The following ANAPC10 variants were observed in gnomAD, a reference collection of about 807,000 sequenced individuals.
The protein encoded by ANAPC10 is anaphase promoting complex subunit 10, also known as anaphase-promoting complex subunit 10.
In ANAPC10, 12 loss-of-function variants were observed where a neutral mutation model predicts 22.0. The observed-to-expected ratio is 0.55, with a 90% CI of 0.35 to 0.88. The LOEUF (loss-of-function observed/expected upper bound fraction) is 0.88. Among genes scored for constraint, ANAPC10 ranks in the 40% least tolerant of loss-of-function variants. The probability of loss-of-function intolerance (pLI) is 0.01; values close to 1 mark genes in which losing one functional copy is unlikely to be tolerated. For missense variants in ANAPC10, 188 were observed against 220.9 expected, an observed-to-expected ratio of 0.85 and a Z score of 0.94; for synonymous variants, 65 against 69.5, an observed-to-expected ratio of 0.94 and a Z score of 0.32.
intron 4 of ANAPC10, among the ~76,000 whole-genome samples, chr4:145,048,557 G>A (rs911672041): frequency 6.6e-6 from 1 of 152,002 alleles, no homozygotes; most frequent in Non-Finnish European, 1.5e-5. Flanking sequence ...TTTAACTATA[G>A]AAGCAACTAC....
intron 4 of ANAPC10, among the ~76,000 whole-genome samples, chr4:145,060,801 A>C (rs1042321631): frequency 2.0e-5 from 3 of 152,032 alleles, no homozygotes; most frequent in Admixed American, 1.3e-4. Context: ...TTTTTTTTAT[A>C]TATTTAGATA....
chr4:145,056,534 A>G (rs1224826514), intron 4 of ANAPC10, among the ~76,000 whole-genome samples: 1 of 152,114 alleles, frequency 6.6e-6, no homozygotes, highest in Non-Finnish European at 1.5e-5. Flanking sequence ...CTCTTGCGCA[A>G]GATATAAGAA....
intron 3 of ANAPC10, among the ~76,000 whole-genome samples, chr4:145,079,446 C>T (rs937213781): frequency 6.6e-6 from 1 of 152,190 alleles, no homozygotes; most frequent in Non-Finnish European, 1.5e-5. Context: ...TAAATTAGTT[C>T]AGCCACTGTG....
Position 145,049,571 on chromosome 4 carries a change from T to G in ANAPC10, c.327+15001A>C, listed in dbSNP as rs181511871. Among the ~76,000 whole-genome samples the G allele has an allele frequency of 2.6e-5, 4 of 152,298 alleles. No individual in the cohort carries two copies. The East Asian group carries it at 7.7e-4, about 29-fold the overall frequency. On this transcript the variant is annotated intron_variant, in intron 4 of 4. Transcript: ENST00000507656. ...AGATTGCTGCAATTTGGTCGCATCT[T>G]CAGGCTCCATTTCTTTTTGTTTTTT... is the stretch of plus-strand genomic sequence containing the variant.
chr4:145,097,563 C>G, intron 1 of ANAPC10: 2 of 1,285,376 alleles, frequency 1.6e-6, no homozygotes, highest in Non-Finnish European at 2.0e-6. Context: ...TTGATACTTA[C>G]TAAATAACGG....
At chr4:145,049,955 T>A (rs139805325) in intron 4 of ANAPC10, among the ~76,000 whole-genome samples, 12 of 152,292 alleles carry the variant, frequency 7.9e-5, no homozygotes, top group African/African-American at 2.2e-4. Context: ...AAGTTATTCA[T>A]GAGGCTTGGA....
At chr4:145,054,419 A>G (rs554426249) in intron 4 of ANAPC10, among the ~76,000 whole-genome samples, 2 of 150,906 alleles carry the variant, frequency 1.3e-5, no homozygotes, top group South Asian at 2.1e-4. Flanking sequence ...TTAGCCGGGC[A>G]TGGTGGCAGG....
At chr4:145,091,072 A>G (rs1032175208) in intron 2 of ANAPC10, among the ~76,000 whole-genome samples, 1 of 152,240 alleles carries the variant, frequency 6.6e-6, no homozygotes, top group African/African-American at 2.4e-5. Context: ...ATAGACTCAA[A>G]GCTCAAAATC....
chr4:145,018,196 G>T (rs990562511), intron 4 of ANAPC10, among the ~76,000 whole-genome samples: 30 of 150,692 alleles, frequency 2.0e-4, no homozygotes, highest in African/African-American at 7.0e-4. Context: ...AATTTAAAAA[G>T]CAAAAACAAA....
chr4:145,017,941 G>C (rs1026706790), intron 4 of ANAPC10, among the ~76,000 whole-genome samples: 38 of 137,190 alleles, frequency 2.8e-4, no homozygotes, highest in African/African-American at 1.0e-3. Flanking sequence ...ACACAGGAAG[G>C]GAAACATCAC....
intron 4 of ANAPC10, among the ~76,000 whole-genome samples, chr4:145,006,561 G>C (rs776543037): frequency 6.6e-6 from 1 of 152,074 alleles, no homozygotes; most frequent in African/African-American, 2.4e-5. Context: ...ACTTATGCTA[G>C]CTAACCTTTA....
intron 3 of ANAPC10, among the ~76,000 whole-genome samples, chr4:145,072,072 G>C (rs1189465292): frequency 6.6e-6 from 1 of 151,840 alleles, no homozygotes; most frequent in Non-Finnish European, 1.5e-5. Flanking sequence ...CTTGCAACAA[G>C]CCCAAGTTTA....
intron 4 of ANAPC10, among the ~76,000 whole-genome samples, chr4:145,019,086 T>C (rs1735627199): frequency 6.6e-6 from 1 of 152,112 alleles, no homozygotes; most frequent in South Asian, 2.1e-4. Flanking sequence ...AACTAGACCT[T>C]GGAACAAATG....
chr4:145,045,500 T>C (rs1740168045), intron 4 of ANAPC10, among the ~76,000 whole-genome samples: 1 of 152,102 alleles, frequency 6.6e-6, no homozygotes, highest in Non-Finnish European at 1.5e-5. Context: ...TAAAACTGGA[T>C]TACAGAATAC....
chr4:145,071,052 G>A (rs561308112), intron 3 of ANAPC10, among the ~76,000 whole-genome samples: 55 of 152,344 alleles, frequency 3.6e-4, no homozygotes, highest in African/African-American at 1.3e-3. Flanking sequence ...AAGTTCTGAA[G>A]ATGGAGGTGG....
At chr4:145,089,982 A>C (rs1236747689) in intron 2 of ANAPC10, among the ~76,000 whole-genome samples, 1 of 152,186 alleles carries the variant, frequency 6.6e-6, no homozygotes, top group African/African-American at 2.4e-5. Flanking sequence ...AGTCTTCTAT[A>C]ATCAGGCTTC....
At chr4:145,026,945 A>ATATATATATGTG (rs1287102797) in intron 4 of ANAPC10, among the ~76,000 whole-genome samples, 28 of 17,146 alleles carry the variant, frequency 1.6e-3, no homozygotes, top group East Asian at 3.0e-3. Flanking sequence ...ATATATATAT[A>ATATATATATGTG]TGTGTGTGTG....
chr4:145,034,822 T>A (rs1474492668), intron 4 of ANAPC10, among the ~76,000 whole-genome samples: 1 of 151,902 alleles, frequency 6.6e-6, no homozygotes, highest in African/African-American at 2.4e-5. Flanking sequence ...GTCTGTCAGA[T>A]GACTCAACGT....
intron 2 of ANAPC10, among the ~76,000 whole-genome samples, chr4:145,094,321 T>C (rs1748159480): frequency 6.6e-6 from 1 of 152,122 alleles, no homozygotes; most frequent in African/African-American, 2.4e-5. Flanking sequence ...TGTCAGGGGC[T>C]TGGAAAGGCC....
Sources: gnomAD v4.1 joint callset for allele counts (sites outside exome capture counted in the v4.1 genomes callset) on GRCh38, gnomAD v4.1.1 for gene constraint, MANE v1.5 for transcripts, NCBI Gene and HGNC (gene_info 2026-07-23, HGNC 2026-07-21) for gene names.